The following AFF1 variants were observed in gnomAD, a reference collection of about 807,000 sequenced individuals.
AFF1 encodes AF4/FMR2 family member 1.
AFF1 carries 48 observed loss-of-function variants against 121.7 expected under a neutral mutation model. That is an observed-to-expected ratio of 0.39 (90% CI 0.31 to 0.50). The LOEUF (loss-of-function observed/expected upper bound fraction) is 0.50, where lower values mean the gene tolerates loss of function less well. Among genes scored for constraint, AFF1 ranks in the 20% least tolerant of loss-of-function variants. The probability of loss-of-function intolerance (pLI) is 0.76; values close to 1 mark genes in which losing one functional copy is unlikely to be tolerated. For synonymous variants in AFF1, 613 were observed against 563.0 expected (o/e 1.09, Z -1.26); for missense variants, 1,523 against 1,511.7 (o/e 1.01, Z -0.12).
chr4:87,111,436 C>T (rs2149759624), intron 11 of AFF1, among the ~76,000 whole-genome samples: 1 of 150,958 alleles, frequency 6.6e-6, no homozygotes, highest in Middle Eastern at 3.4e-3. Flanking sequence ...TCACTGCAAC[C>T]TCTGCCTCCC....
At chr4:87,010,107 G>A (rs189320998) in intron 2 of AFF1, among the ~76,000 whole-genome samples, 2 of 152,260 alleles carry the variant, frequency 1.3e-5, no homozygotes, top group Admixed American at 1.3e-4. Context: ...CCCTACATAA[G>A]CTAGAAGTAC....
chr4:87,026,314 C>CTT (rs1387379399), intron 2 of AFF1, among the ~76,000 whole-genome samples: 1 of 152,208 alleles, frequency 6.6e-6, no homozygotes, highest in African/African-American at 2.4e-5. Context: ...CCAGGCTGGT[C>CTT]TTTGAACCCT....
chr4:86,951,615 CTTTTTTTCTTTT>C (rs1209328760), intron 2 of AFF1, among the ~76,000 whole-genome samples: 1 of 124,944 alleles, frequency 8.0e-6, no homozygotes, highest in Non-Finnish European at 1.6e-5. Context: ...TTTCTTTTTT[CTTTTTTTCTTTT>C]TTTTTTTTTT....
chr4:87,116,909 A>G (rs532664667), intron 12 of AFF1, among the ~76,000 whole-genome samples: 1 of 152,162 alleles, frequency 6.6e-6, no homozygotes, highest in Non-Finnish European at 1.5e-5. Flanking sequence ...TAGGAAAAAG[A>G]TACCTGCAGC....
chr4:86,935,801 GAC>G, intron 1 of AFF1: 1 of 151,988 alleles, frequency 6.6e-6, no homozygotes, highest in East Asian at 1.9e-4. Flanking sequence ...CACCTTCTGA[GAC>G]TTAACTTCAG....
intron 5 of AFF1, among the ~76,000 whole-genome samples, chr4:87,085,250 T>C (rs1723602949): frequency 6.6e-6 from 1 of 152,202 alleles, no homozygotes; most frequent in Non-Finnish European, 1.5e-5. Flanking sequence ...AAGAATTATA[T>C]ATAATGTTTC....
chr4:87,098,269 A>T (rs1283434807), intron 8 of AFF1, among the ~76,000 whole-genome samples: 3 of 152,160 alleles, frequency 2.0e-5, no homozygotes, highest in African/African-American at 7.2e-5. Flanking sequence ...GTAGTTTGAG[A>T]TGTAGTTATT....
intron 2 of AFF1, among the ~76,000 whole-genome samples, chr4:87,027,137 A>T (rs181439084): frequency 6.6e-6 from 1 of 152,342 alleles, no homozygotes; most frequent in East Asian, 1.9e-4. Flanking sequence ...AAGGTGAATT[A>T]AGCCTTCACA....
chr4:86,963,327 AT>A (rs1722283611), intron 2 of AFF1, among the ~76,000 whole-genome samples: 1 of 152,088 alleles, frequency 6.6e-6, no homozygotes, highest in Non-Finnish European at 1.5e-5. Context: ...TCTTAATCCA[AT>A]ATTCATTCAT....
At chr4:86,956,846 T>C (rs987663744) in intron 2 of AFF1, among the ~76,000 whole-genome samples, 5 of 152,210 alleles carry the variant, frequency 3.3e-5, no homozygotes, top group African/African-American at 1.2e-4. Flanking sequence ...TATCCACTTT[T>C]TTGTTTTTAT....
intron 7 of AFF1, among the ~76,000 whole-genome samples, chr4:87,092,771 C>G (rs1269069231): frequency 6.6e-6 from 1 of 152,078 alleles, no homozygotes; most frequent in Non-Finnish European, 1.5e-5. Context: ...ATAAATAAAC[C>G]CGACTATATT....
At chr4:87,002,986 C>T (rs1051017713) in intron 2 of AFF1, among the ~76,000 whole-genome samples, 3 of 152,120 alleles carry the variant, frequency 2.0e-5, no homozygotes, top group Admixed American at 6.5e-5. Flanking sequence ...GGGTTGGATA[C>T]AATGGTGTTT....
chr4:87,125,393 G>GAT (rs1251836598), intron 13 of AFF1: 2 of 306,886 alleles, frequency 6.5e-6, no homozygotes, highest in Admixed American at 9.8e-5. Flanking sequence ...TAGACATCTG[G>GAT]ATTTTTTTTT....
intron 6 of AFF1, among the ~76,000 whole-genome samples, chr4:87,090,912 G>C (rs965313140): frequency 6.6e-6 from 1 of 151,132 alleles, no homozygotes; most frequent in African/African-American, 2.4e-5. Flanking sequence ...CTACTTGGGA[G>C]GCTGAGGTGG....
chr4:87,073,603 A>G (rs1722353852), intron 4 of AFF1, among the ~76,000 whole-genome samples: 1 of 152,218 alleles, frequency 6.6e-6, no homozygotes, highest in Non-Finnish European at 1.5e-5. Context: ...TAAGCCCAGG[A>G]TAAAATCTTT....
At chr4:86,990,581 C>T (rs2149504077) in intron 2 of AFF1, among the ~76,000 whole-genome samples, 1 of 152,228 alleles carries the variant, frequency 6.6e-6, no homozygotes, top group Non-Finnish European at 1.5e-5. Context: ...CACTGCTAGC[C>T]ATTAGTGGCC....
Position 87,108,289 on chromosome 4 carries a change from G to A in AFF1, c.1507G>A (p.Glu503Lys). The A allele has an allele frequency of 1.2e-6, 2 of 1,613,764 alleles. No homozygotes were observed. The highest frequency in any genetic ancestry group is 2.2e-5 in the South Asian group (2 of 91,046). The change falls in exon 11 of 21, where the codon GAG becomes AAG. Residue 503 changes from glutamate to lysine, a missense_variant. Physicochemically the swap from Glu to Lys is moderately conservative, Grantham distance 56. Coordinates refer to ENST00000395146, the MANE Select transcript of AFF1 (RefSeq NM_001166693.3). ...CAGTTCAAGTGACAGCGAAGAAAAT[G>A]AGCCCCTAGAAACCCCAGCTCCGGA... ...ESSSSDSEEN[E>K]PLETPAPEPE...
At chr4:87,003,690 A>G (rs1725889327) in intron 2 of AFF1, among the ~76,000 whole-genome samples, 1 of 152,242 alleles carries the variant, frequency 6.6e-6, no homozygotes, top group Non-Finnish European at 1.5e-5. Flanking sequence ...GTATTTTTTC[A>G]GCAATTATGT....
At chr4:87,079,505 A>G (rs1378129465) in intron 4 of AFF1, among the ~76,000 whole-genome samples, 1 of 152,236 alleles carries the variant, frequency 6.6e-6, no homozygotes, top group African/African-American at 2.4e-5. Flanking sequence ...AGCAAAGGAA[A>G]AACGTAGCTC....
Sources: gnomAD v4.1 joint callset for allele counts (sites outside exome capture counted in the v4.1 genomes callset) on GRCh38, gnomAD v4.1.1 for gene constraint, MANE v1.5 for transcripts, NCBI Gene and HGNC (gene_info 2026-07-23, HGNC 2026-07-21) for gene names.